The following ITPR2 variants were observed in gnomAD, a reference collection of about 807,000 sequenced individuals.
The protein encoded by ITPR2 is inositol 1,4,5-trisphosphate receptor type 2, also known as inositol 1,4,5-trisphosphate-gated calcium channel ITPR2.
ITPR2 carries 207 observed loss-of-function variants against 317.1 expected under a neutral mutation model. The ratio of observed to expected loss-of-function variants is 0.65; its 90% confidence interval spans 0.58 to 0.73. ITPR2 has a LOEUF of 0.73. Ranked by LOEUF, ITPR2 falls within the 30% of genes least tolerant of loss-of-function variation. ITPR2 has a pLI of 0.00. For synonymous variants in ITPR2, 1,156 were observed against 1,149.1 expected, an observed-to-expected ratio of 1.01 and a Z score of -0.12; for missense variants, 2,613 against 3,284.0, an observed-to-expected ratio of 0.80 and a Z score of 4.99.
At position 26,419,073 on chromosome 12, in the gene ITPR2, G is replaced by A. The variant is rs368840102; in HGVS notation, c.7086C>T (p.Val2362=). The A allele has an allele frequency of 1.9e-6, 3 of 1,613,372 alleles. No homozygotes were observed. In the African/African-American group the frequency reaches 4.0e-5, roughly 22 times the overall value. The change falls in exon 50 of 57, where the codon GTC becomes GTT. Residue 2362 remains valine, a synonymous_variant. Transcript: ENST00000381340. ...YVLVCMLGLF[V]HEFFYSFLLF... ...CCAGGAAGCTATAGAAGAATTCATG[G>A]ACAAAAAGGCCCAGCATGCAAACCA...
chr12:26,818,936 T>A (rs537952517), intron 1 of ITPR2, among the ~76,000 whole-genome samples: 9 of 152,206 alleles, frequency 5.9e-5, no homozygotes, highest in Admixed American at 1.3e-4. Context: ...AATTTTGTTT[T>A]AAGTCACTAT....
intron 41 of ITPR2, 142 bp from the exon 42 acceptor site, chr12:26,484,040 G>A (rs1942603585): frequency 1.5e-6 from 1 of 687,094 alleles, no homozygotes; most frequent in Non-Finnish European, 2.4e-6. Flanking sequence ...TCCACTTAAG[G>A]AGGGAGAAAC....
At chr12:26,465,381 A>G (rs1942146481) in intron 45 of ITPR2, among the ~76,000 whole-genome samples, 1 of 152,200 alleles carries the variant, frequency 6.6e-6, no homozygotes, top group Non-Finnish European at 1.5e-5. Flanking sequence ...GAACGGTGAA[A>G]ATGAAAGCCT....
At chr12:26,765,727 C>T (rs949891709) in intron 2 of ITPR2, among the ~76,000 whole-genome samples, 8 of 152,004 alleles carry the variant, frequency 5.3e-5, no homozygotes, top group African/African-American at 1.9e-4. Flanking sequence ...TTGAGTTGTG[C>T]AAACATCTCA....
intron 5 of ITPR2, among the ~76,000 whole-genome samples, chr12:26,718,681 C>T (rs1055637599): frequency 4.0e-4 from 61 of 151,982 alleles, no homozygotes; most frequent in African/African-American, 1.5e-3. Context: ...ACAATCTCAA[C>T]TCACTGCAAC....
chr12:26,573,934 C>T (rs1945219390), intron 34 of ITPR2, among the ~76,000 whole-genome samples: 3 of 152,138 alleles, frequency 2.0e-5, no homozygotes, highest in African/African-American at 7.2e-5. Context: ...CAGTGGATTG[C>T]AGGGGCACAT....
At chr12:26,512,481 T>C (rs965356169) in intron 37 of ITPR2, among the ~76,000 whole-genome samples, 2 of 152,172 alleles carry the variant, frequency 1.3e-5, no homozygotes, top group African/African-American at 4.8e-5. Context: ...ACCCCCCACA[T>C]GTAAATCGTG....
chr12:26,668,169 C>G (rs576826325), intron 13 of ITPR2, among the ~76,000 whole-genome samples: 1 of 152,086 alleles, frequency 6.6e-6, no homozygotes, highest in Non-Finnish European at 1.5e-5. Context: ...GGAAAATGAA[C>G]AAAATAAGAA....
intron 1 of ITPR2, among the ~76,000 whole-genome samples, chr12:26,815,315 C>A (rs139357730): frequency 1.1e-4 from 17 of 151,778 alleles, no homozygotes; most frequent in Non-Finnish European, 1.8e-4. Flanking sequence ...CTGGGTGACA[C>A]GGTAAGACTC....
chr12:26,615,698 G>A (rs1946358740), intron 26 of ITPR2, among the ~76,000 whole-genome samples: 1 of 152,046 alleles, frequency 6.6e-6, no homozygotes, highest in Non-Finnish European at 1.5e-5. Flanking sequence ...CTTTTGTTCT[G>A]CAGTAAAAAT....
intron 42 of ITPR2, among the ~76,000 whole-genome samples, chr12:26,483,342 G>T (rs12369340): frequency 0.54 from 81,622 of 152,108 alleles, 26,179 homozygotes; most frequent in Non-Finnish European, 0.7. Flanking sequence ...GCATATAAAA[G>T]AAATAACATA....
rs1396509221 is a variant in ITPR2 at position 26,567,747 on chromosome 12, T to C, written c.4631-5795A>G. The stretch of plus-strand genomic sequence containing the variant: ...ACTAATCCAAAACCAAAATTAACAA[T>C]GCCAATTTAGCTGTCCATTGTTTAA... On this transcript the variant is annotated intron_variant, in intron 34 of 56. Transcript: ENST00000381340. Among the ~76,000 whole-genome samples, 6 of 151,194 alleles carry C rather than the reference T, an allele frequency of 4.0e-5. No homozygotes were observed. In the East Asian group the frequency reaches 9.7e-4, roughly 25 times the overall value.
At chr12:26,579,449 G>T (rs1945344922) in intron 33 of ITPR2, among the ~76,000 whole-genome samples, 1 of 151,982 alleles carries the variant, frequency 6.6e-6, no homozygotes, top group African/African-American at 2.4e-5. Flanking sequence ...TATATATTCT[G>T]TACACAAACA....
intron 39 of ITPR2, among the ~76,000 whole-genome samples, chr12:26,489,288 T>G (rs1398742553): frequency 6.6e-6 from 1 of 152,124 alleles, no homozygotes; most frequent in Non-Finnish European, 1.5e-5. Context: ...TCAACAGATA[T>G]GTGTGACAGG....
chr12:26,800,237 A>G (rs985236380), intron 1 of ITPR2, among the ~76,000 whole-genome samples: 4 of 151,192 alleles, frequency 2.6e-5, no homozygotes, highest in African/African-American at 9.7e-5. Context: ...AAAAAAAAAG[A>G]CCAAAAAAAG....
At chr12:26,461,689 TATACACACAC>T (rs1307389720) in intron 45 of ITPR2, among the ~76,000 whole-genome samples, 26 of 93,190 alleles carry the variant, frequency 2.8e-4, no homozygotes, top group South Asian at 2.5e-3. Context: ...TACATATATA[TATACACACAC>T]ACACACACAC....
intron 26 of ITPR2, among the ~76,000 whole-genome samples, chr12:26,607,001 T>C (rs1946145662): frequency 6.6e-6 from 1 of 152,194 alleles, no homozygotes; most frequent in East Asian, 1.9e-4. Context: ...AGGGCAATCA[T>C]GCTTTTAAAA....
chr12:26,397,602 G>T (rs573280139), intron 54 of ITPR2, among the ~76,000 whole-genome samples: 1 of 152,060 alleles, frequency 6.6e-6, no homozygotes, highest in African/African-American at 2.4e-5. Context: ...CTTTCTATTT[G>T]TTTCCACTGA....
intron 49 of ITPR2, among the ~76,000 whole-genome samples, chr12:26,426,823 TAAATA>T: frequency 6.6e-6 from 1 of 151,124 alleles, no homozygotes; most frequent in Middle Eastern, 3.5e-3. Flanking sequence ...TTTTAATAAA[TAAATA>T]AAATAAATAC....
Sources: allele counts gnomAD v4.1 joint callset (sites outside exome capture counted in the v4.1 genomes callset), GRCh38; gene constraint gnomAD v4.1.1; transcripts MANE v1.5; gene names NCBI Gene and HGNC (gene_info 2026-07-23, HGNC 2026-07-21).